ANK3: variants seen among roughly 807,000 people sequenced by gnomAD.
ANK3 encodes ankyrin-3.
Under a neutral mutation model 370.9 loss-of-function variants are expected in ANK3, and 57 were observed. That is an observed-to-expected ratio of 0.15 (90% CI 0.12 to 0.19). ANK3 has a LOEUF of 0.19. Among genes scored for constraint, ANK3 ranks in the 10% least tolerant of loss-of-function variants. ANK3 has a pLI of 1.00. For synonymous variants in ANK3, 1,929 were observed against 1,946.3 expected (o/e 0.99, Z 0.23); for missense variants, 4,439 against 5,302.1 (o/e 0.84, Z 5.06).
intron 8 of ANK3, among the ~76,000 whole-genome samples, chr10:60,227,891 CT>C (rs1311131518): frequency 2.6e-5 from 4 of 152,070 alleles, no homozygotes; most frequent in Non-Finnish European, 4.4e-5. Context: ...TCTAACTTTT[CT>C]TTTGACTGTC....
At chr10:60,656,903 A>C (rs574300533) in intron 1 of ANK3, among the ~76,000 whole-genome samples, 3 of 152,258 alleles carry the variant, frequency 2.0e-5, no homozygotes, top group Non-Finnish European at 4.4e-5. Flanking sequence ...GACTACAGGC[A>C]CATGCCATCT....
At chr10:60,592,902 G>A (rs1380550695) in intron 2 of ANK3, among the ~76,000 whole-genome samples, 1 of 152,184 alleles carries the variant, frequency 6.6e-6, no homozygotes, top group East Asian at 1.9e-4. Context: ...AGAAGTTATT[G>A]ATGAAAGTAA....
At chr10:60,357,123 G>A (rs1208771788) in intron 1 of ANK3, among the ~76,000 whole-genome samples, 1 of 152,140 alleles carries the variant, frequency 6.6e-6, no homozygotes, top group Non-Finnish European at 1.5e-5. Flanking sequence ...TATTGATCCT[G>A]GCTTTCTTTG....
intron 1 of ANK3, among the ~76,000 whole-genome samples, chr10:60,687,433 A>G (rs544787065): frequency 2.0e-5 from 3 of 152,284 alleles, no homozygotes; most frequent in African/African-American, 7.2e-5. Context: ...GATGGTCAAC[A>G]GGCACACAAA....
rs546708492 is a variant in ANK3, at chr10:60,283,231, A to G, written c.115-3592T>C. ...ATATTGCTGTTTATATCCTTCGTGT[A>G]AAAAACACACTATTTTGTCCTAGAC... is the stretch of plus-strand genomic sequence containing the variant. On this transcript the variant is annotated intron_variant, in intron 1 of 43. Transcript: ENST00000280772. 5.3e-5 allele frequency among the ~76,000 whole-genome samples: 8 copies of G among 152,296 alleles called. No homozygotes were observed. The South Asian group carries it at 1.7e-3, about 32-fold the overall frequency.
chr10:60,613,762 A>C (rs552962650), intron 2 of ANK3, among the ~76,000 whole-genome samples: 2 of 150,910 alleles, frequency 1.3e-5, no homozygotes, highest in East Asian at 2.0e-4. Context: ...ACAAAAACAA[A>C]AAAAAAAATC....
chr10:60,461,683 T>G (rs1421657700), intron 2 of ANK3, among the ~76,000 whole-genome samples: 1 of 152,056 alleles, frequency 6.6e-6, no homozygotes, highest in Non-Finnish European at 1.5e-5. Context: ...AACAAGACAA[T>G]ATAACTATTA....
intron 22 of ANK3, 67 bp downstream of exon 22, chr10:60,166,757 T>C: frequency 6.3e-7 from 1 of 1,594,414 alleles, no homozygotes; most frequent in South Asian, 1.1e-5. Flanking sequence ...CAATGGACTT[T>C]CTTCAGGAAA....
chr10:60,650,366 CAAAAAA>C (rs869281312), intron 1 of ANK3, among the ~76,000 whole-genome samples: 3 of 27,238 alleles, frequency 1.1e-4, no homozygotes, highest in African/African-American at 3.2e-4. Context: ...TACTACTTTA[CAAAAAA>C]AAAAAAAAAA....
chr10:60,151,007 A>G (rs1454542717), intron 23 of ANK3, among the ~76,000 whole-genome samples: 1 of 152,190 alleles, frequency 6.6e-6, no homozygotes, highest in Non-Finnish European at 1.5e-5. Context: ...ACTCCTTGAG[A>G]CTGACTCCTT....
intron 29 of ANK3, 107 bp downstream of exon 29, chr10:60,088,040 C>T: frequency 1.2e-6 from 1 of 864,008 alleles, no homozygotes; most frequent in South Asian, 1.6e-5. Flanking sequence ...CCCAAACGGC[C>T]TAATTAGCAG....
At chr10:60,197,269 C>A (rs1445461816) in intron 14 of ANK3, among the ~76,000 whole-genome samples, 1 of 152,132 alleles carries the variant, frequency 6.6e-6, no homozygotes, top group Non-Finnish European at 1.5e-5. Context: ...TGAATAATGA[C>A]ACATGGACAA....
intron 2 of ANK3, among the ~76,000 whole-genome samples, chr10:60,473,148 T>C (rs1443198020): frequency 6.6e-6 from 1 of 152,170 alleles, no homozygotes; most frequent in East Asian, 1.9e-4. Flanking sequence ...TGATTCCAAT[T>C]TCGTAATATC....
chr10:60,050,979 C>A (rs868168060), intron 42 of ANK3, among the ~76,000 whole-genome samples: 1 of 150,848 alleles, frequency 6.6e-6, no homozygotes, highest in Non-Finnish European at 1.5e-5. Flanking sequence ...ACCTCAAATT[C>A]TCAGCCACTG....
At chr10:60,166,950 G>T in intron 21 of ANK3, 54 bp from the exon 22 acceptor site, 1 of 1,412,418 alleles carries the variant, frequency 7.1e-7, no homozygotes, top group Non-Finnish European at 1.0e-6. Flanking sequence ...ATTTTAATGG[G>T]TCTTTTCATT....
chr10:60,437,534 A>C (rs1340989720), intron 2 of ANK3, among the ~76,000 whole-genome samples: 1 of 152,200 alleles, frequency 6.6e-6, no homozygotes, highest in Non-Finnish European at 1.5e-5. Context: ...AGTGCCTGGC[A>C]CTGAAGAGGG....
chr10:60,701,110 T>C (rs2079540020), intron 1 of ANK3, among the ~76,000 whole-genome samples: 1 of 151,934 alleles, frequency 6.6e-6, no homozygotes, highest in African/African-American at 2.4e-5. Flanking sequence ...AAGAAACAGT[T>C]GAGTGAGAAA....
At chr10:60,057,489 C>A (rs1468549187) in intron 41 of ANK3, among the ~76,000 whole-genome samples, 1 of 152,102 alleles carries the variant, frequency 6.6e-6, no homozygotes, top group Non-Finnish European at 1.5e-5. Flanking sequence ...TAAAAGACAT[C>A]CATAGCACAC....
chr10:60,215,792 C>T (rs1483071604), intron 8 of ANK3, among the ~76,000 whole-genome samples: 2 of 152,120 alleles, frequency 1.3e-5, no homozygotes, highest in Non-Finnish European at 2.9e-5. Flanking sequence ...ATGCCTCCAG[C>T]TTTGTTCTTT....
Sources: allele counts gnomAD v4.1 joint callset (sites outside exome capture counted in the v4.1 genomes callset), GRCh38; gene constraint gnomAD v4.1.1; transcripts MANE v1.5; gene names NCBI Gene and HGNC (gene_info 2026-07-23, HGNC 2026-07-21).